NCALD: variants seen among roughly 807,000 people sequenced by gnomAD.
NCALD encodes neurocalcin-delta.
NCALD carries 10 observed loss-of-function variants against 18.6 expected under a neutral mutation model. That is an observed-to-expected ratio of 0.54 (90% CI 0.33 to 0.91). The LOEUF (loss-of-function observed/expected upper bound fraction) is 0.91, where lower values mean the gene tolerates loss of function less well. Among genes scored for constraint, NCALD ranks in the 40% least tolerant of loss-of-function variants. The pLI is 0.03. For synonymous variants in NCALD, 88 were observed against 87.4 expected, an observed-to-expected ratio of 1.01 and a Z score of -0.04; for missense variants, 184 against 247.6, an observed-to-expected ratio of 0.74 and a Z score of 1.72.
intron 4 of NCALD, among the ~76,000 whole-genome samples, chr8:101,808,271 A>G (rs373663172): frequency 3.3e-5 from 5 of 152,264 alleles, no homozygotes; most frequent in East Asian, 3.9e-4. Flanking sequence ...TGAGCTCTCC[A>G]TTACAAAATG....
At chr8:101,812,239 T>A (rs1242391845) in intron 4 of NCALD, among the ~76,000 whole-genome samples, 2 of 152,190 alleles carry the variant, frequency 1.3e-5, no homozygotes, top group Non-Finnish European at 2.9e-5. Flanking sequence ...TCCAGCCCCT[T>A]ATTACTATCA....
intron 2 of NCALD, among the ~76,000 whole-genome samples, chr8:101,709,053 G>T (rs1815661915): frequency 6.6e-6 from 1 of 152,200 alleles, no homozygotes; most frequent in African/African-American, 2.4e-5. Flanking sequence ...ACAAAGCAAA[G>T]AAGGAATGAA....
At chr8:101,829,974 GTTTTT>G (rs35295834) in intron 4 of NCALD, among the ~76,000 whole-genome samples, 1 of 116,172 alleles carries the variant, frequency 8.6e-6, no homozygotes, top group Admixed American at 9.1e-5. Context: ...AGTCACATGG[GTTTTT>G]TTTTTTTTTT....
intron 4 of NCALD, among the ~76,000 whole-genome samples, chr8:101,849,652 T>G (rs1815011975): frequency 6.6e-6 from 1 of 152,194 alleles, no homozygotes; most frequent in Non-Finnish European, 1.5e-5. Context: ...TGTATTAGCA[T>G]AGGAACGGAA....
At chr8:101,816,473 G>T (rs950449566) in intron 4 of NCALD, among the ~76,000 whole-genome samples, 1 of 152,002 alleles carries the variant, frequency 6.6e-6, no homozygotes, top group Non-Finnish European at 1.5e-5. Context: ...TGTGCCCCCC[G>T]CCAACATAAT....
chr8:101,751,573 G>A (rs1300920679), intron 1 of NCALD, among the ~76,000 whole-genome samples: 3 of 152,120 alleles, frequency 2.0e-5, no homozygotes, highest in African/African-American at 7.2e-5. Context: ...TCGCCCAGCT[G>A]TCCAGGGATA....
chr8:101,921,054 T>C (rs945389725), intron 2 of NCALD, among the ~76,000 whole-genome samples: 8 of 152,112 alleles, frequency 5.3e-5, no homozygotes, highest in African/African-American at 1.7e-4. Context: ...GCATGTCCGA[T>C]TGAGAAGGCT....
chr8:102,124,117 G>T (rs1191545455), intron 1 of NCALD: 1 of 152,078 alleles, frequency 6.6e-6, no homozygotes, highest in South Asian at 2.1e-4. Flanking sequence ...CCACCCCTGC[G>T]CCCGCGGCGC....
chr8:101,877,166 T>C (rs1231932369), intron 4 of NCALD, among the ~76,000 whole-genome samples: 1 of 152,228 alleles, frequency 6.6e-6, no homozygotes, highest in East Asian at 1.9e-4. Context: ...AGATTTGAAG[T>C]AAAACGCATC....
At chr8:102,094,523 G>A (rs545335889) in intron 1 of NCALD, among the ~76,000 whole-genome samples, 57 of 152,258 alleles carry the variant, frequency 3.7e-4, no homozygotes, top group African/African-American at 1.2e-3. Context: ...ATTCTGCTTC[G>A]AAGCCAGCGA....
chr8:101,838,509 C>T (rs893299567), intron 4 of NCALD, among the ~76,000 whole-genome samples: 4 of 152,200 alleles, frequency 2.6e-5, no homozygotes, highest in African/African-American at 7.2e-5. Context: ...CATGAGCCAC[C>T]GTGCCCAGCC....
chr8:102,093,222 A>G lies in NCALD; in HGVS notation c.-210+31015T>C, dbSNP rs551468317. On this transcript the variant is annotated intron_variant, in intron 1 of 6. Coordinates refer to the NCALD transcript ENST00000311028. ...GAATGACTTCACTAAACGCTGAGGA[A>G]TTAAAGAACTATCCTAGGTGCTCTA... Among the ~76,000 whole-genome samples, 3 of 152,268 alleles carry G rather than the reference A, an allele frequency of 2.0e-5. No homozygotes were observed. The East Asian group carries it at 5.8e-4, about 29-fold the overall frequency.
intron 1 of NCALD, among the ~76,000 whole-genome samples, chr8:102,100,942 T>C (rs892153665): frequency 8.5e-5 from 13 of 152,048 alleles, no homozygotes; most frequent in Admixed American, 5.9e-4. Context: ...AGAGTTTGAG[T>C]TGGGGAAGAT....
At chr8:101,831,581 C>T (rs1473937704) in intron 4 of NCALD, among the ~76,000 whole-genome samples, 8 of 152,164 alleles carry the variant, frequency 5.3e-5, no homozygotes, top group Admixed American at 4.6e-4. Context: ...GATCATGAGA[C>T]AGACTTGCTT....
At chr8:102,012,612 G>T (rs1455569686) in intron 2 of NCALD, among the ~76,000 whole-genome samples, 1 of 152,186 alleles carries the variant, frequency 6.6e-6, no homozygotes, top group Admixed American at 6.5e-5. Flanking sequence ...GCATTTGCTT[G>T]TTTGTTTGTT....
chr8:101,985,013 A>G (rs538341679), intron 2 of NCALD, among the ~76,000 whole-genome samples: 6 of 152,328 alleles, frequency 3.9e-5, no homozygotes, highest in African/African-American at 1.4e-4. Context: ...TGGATTTTAA[A>G]GAACTATGTA....
At chr8:101,805,483 G>A (rs747203360) in intron 4 of NCALD, among the ~76,000 whole-genome samples, 3 of 152,168 alleles carry the variant, frequency 2.0e-5, no homozygotes, top group East Asian at 1.9e-4. Flanking sequence ...ACCAGGGCTC[G>A]TATTGCCCTC....
intron 2 of NCALD, among the ~76,000 whole-genome samples, chr8:101,962,866 T>G (rs1164633289): frequency 2.0e-5 from 3 of 152,190 alleles, no homozygotes; most frequent in African/African-American, 7.2e-5. Flanking sequence ...GGCTTATAAT[T>G]TATTTTTTCT....
chr8:101,937,275 T>C (rs1818798440), intron 2 of NCALD, among the ~76,000 whole-genome samples: 1 of 152,180 alleles, frequency 6.6e-6, no homozygotes, highest in Non-Finnish European at 1.5e-5. Flanking sequence ...TTGTATAGAT[T>C]ATTTCATCAC....
Sources: allele counts gnomAD v4.1 joint callset (sites outside exome capture counted in the v4.1 genomes callset), GRCh38; gene constraint gnomAD v4.1.1; transcripts MANE v1.5; gene names NCBI Gene and HGNC (gene_info 2026-07-23, HGNC 2026-07-21).